The following EPB41L2 variants were observed in gnomAD, a reference collection of about 807,000 sequenced individuals.
EPB41L2 encodes the protein erythrocyte membrane protein band 4.1 like 2, also known as band 4.1-like protein 2.
Under a neutral mutation model 113.0 loss-of-function variants are expected in EPB41L2, and 43 were observed. The ratio of observed to expected loss-of-function variants is 0.38; its 90% CI spans 0.30 to 0.49. EPB41L2 has a LOEUF of 0.49. Ranked by LOEUF, EPB41L2 falls within the 20% of genes least tolerant of loss-of-function variation. The pLI is 0.95. For synonymous variants in EPB41L2, 442 were observed against 436.7 expected (o/e 1.01, Z -0.15); for missense variants, 1,147 against 1,223.4 (o/e 0.94, Z 0.93).
chr6:130,974,816 C>T (rs982757753), intron 1 of EPB41L2, among the ~76,000 whole-genome samples: 2 of 144,730 alleles, frequency 1.4e-5, no homozygotes, highest in Admixed American at 1.5e-4. Flanking sequence ...ACCTCTGCCT[C>T]CCAGGTTCAA....
rs1047691737 is a variant in EPB41L2 at position 130,904,491 on chromosome 6, A to C, written c.903T>G (p.Pro301=). The C allele has an allele frequency of 1.9e-6, 3 of 1,606,004 alleles. No homozygotes were observed. The African/African-American group carries it at 4.0e-5, about 21-fold the overall frequency. The change falls in exon 6 of 20, where the codon CCT becomes CCG. Residue 301 remains proline (P), a synonymous_variant. Transcript: ENST00000337057. ...TGGTGATATCTTCAGTCAATTGAGA[A>C]GGATCAGGAGGATAAAACTTCACAT... The part of the protein sequence containing the change: ...TFNVKFYPPD[P]SQLTEDITRY...
intron 1 of EPB41L2, among the ~76,000 whole-genome samples, chr6:130,958,401 G>A (rs769783082): frequency 8.8e-5 from 13 of 147,780 alleles, no homozygotes; most frequent in Admixed American, 2.1e-4. Flanking sequence ...GCAGTGAGCC[G>A]AGATTGTGTC....
intron 1 of EPB41L2, among the ~76,000 whole-genome samples, chr6:130,994,522 C>T (rs1303264000): frequency 1.3e-5 from 2 of 152,154 alleles, no homozygotes; most frequent in Admixed American, 1.3e-4. Flanking sequence ...TGAGAAAAGA[C>T]AGGGCCTCCA....
rs1217104338 is a variant in EPB41L2 at position 130,985,493 on chromosome 6, G to C, written c.-14-28994C>G. Among the ~76,000 whole-genome samples, 3 of 152,332 alleles carry C rather than the reference G, an allele frequency of 2.0e-5. No individual in the cohort carries two copies. The East Asian group carries it at 5.8e-4, about 29-fold the overall frequency. Reference sequence around the variant, plus strand: ...AACTCGGGAACCAGTGCATAAGCTAGATTCGACCTGGAAGGGCCAAGTGAA... The same window carrying C: ...AACTCGGGAACCAGTGCATAAGCTACATTCGACCTGGAAGGGCCAAGTGAA... On this transcript the variant is annotated intron_variant, in intron 1 of 19. Coordinates refer to ENST00000337057, the MANE Select transcript of EPB41L2 (RefSeq NM_001431.4).
intron 1 of EPB41L2, among the ~76,000 whole-genome samples, chr6:131,024,328 T>C (rs1333949672): frequency 4.6e-5 from 7 of 152,142 alleles, no homozygotes; most frequent in African/African-American, 1.4e-4. Flanking sequence ...GTTGGGTTTA[T>C]GGTTAAGAGT....
chr6:130,954,060 T>C (rs930863724), intron 3 of EPB41L2, among the ~76,000 whole-genome samples: 49 of 114,800 alleles, frequency 4.3e-4, no homozygotes, highest in Admixed American at 7.2e-4. Context: ...TTTTTTTTTT[T>C]TTTTTTTTTT....
intron 3 of EPB41L2, among the ~76,000 whole-genome samples, chr6:130,938,144 G>A (rs756478615): frequency 7.2e-5 from 11 of 152,180 alleles, no homozygotes; most frequent in Admixed American, 5.2e-4. Context: ...GAGAGGTCTC[G>A]ATGAGTTTCC....
chr6:130,957,521 G>C (rs79151709), intron 1 of EPB41L2, among the ~76,000 whole-genome samples: 1 of 151,898 alleles, frequency 6.6e-6, no homozygotes, highest in Non-Finnish European at 1.5e-5. Context: ...CTTAAGAGAC[G>C]GACATGGTTA....
intron 1 of EPB41L2, among the ~76,000 whole-genome samples, chr6:130,980,585 A>T (rs77018018): frequency 6.6e-6 from 1 of 152,064 alleles, no homozygotes; most frequent in African/African-American, 2.4e-5. Flanking sequence ...GGTGGGGTGG[A>T]TCTAACAACT....
At chr6:130,899,775 C>T (rs955613636) in intron 7 of EPB41L2, among the ~76,000 whole-genome samples, 197 bp from the exon 8 acceptor site, 2 of 133,602 alleles carry the variant, frequency 1.5e-5, no homozygotes, top group African/African-American at 4.9e-5. Context: ...TGTAAACCTG[C>T]TAAACTGCAT....
intron 1 of EPB41L2, among the ~76,000 whole-genome samples, chr6:131,009,253 G>A (rs868757409): frequency 1.3e-5 from 2 of 152,048 alleles, no homozygotes; most frequent in Non-Finnish European, 2.9e-5. Flanking sequence ...CCCTTCAGTC[G>A]GCACTCATTC....
At chr6:130,933,806 T>C (rs1436961842) in intron 3 of EPB41L2, among the ~76,000 whole-genome samples, 1 of 152,182 alleles carries the variant, frequency 6.6e-6, no homozygotes, top group Non-Finnish European at 1.5e-5. Context: ...ACATGACATT[T>C]CTGGAGGCCT....
In EPB41L2 at chr6:130,956,270, C is replaced by T. The variant is rs1817396928; in HGVS notation, c.216G>A (p.Arg72=). 1 of 1,614,022 alleles carries T rather than the reference C, an allele frequency of 6.2e-7. No homozygotes were observed. The highest frequency in any genetic ancestry group is 1.3e-5 in the African/African-American group (1 of 74,908). ...ATGGCGGTATGAACCGAGAAATACC[C>T]CTGCTCTCCGATGTTTCCTTCTCTC... is the stretch of plus-strand genomic sequence containing the variant. ...QKREKETSES[R]GISRFIPPWL... is the part of the protein sequence containing the mutation. The change falls in exon 2 of 20, where the codon AGG becomes AGA. Residue 72 remains arginine (R), a synonymous_variant. Coordinates refer to ENST00000337057, the MANE Select transcript of EPB41L2 (RefSeq NM_001431.4).
At chr6:130,935,072 G>A (rs1320396024) in intron 3 of EPB41L2, among the ~76,000 whole-genome samples, 1 of 152,162 alleles carries the variant, frequency 6.6e-6, no homozygotes, top group African/African-American at 2.4e-5. Context: ...ACAGAATATT[G>A]GGGGAATTTT....
intron 8 of EPB41L2, among the ~76,000 whole-genome samples, chr6:130,899,179 C>G (rs931797129): frequency 1.3e-5 from 2 of 150,772 alleles, no homozygotes; most frequent in African/African-American, 4.9e-5. Flanking sequence ...CTTGGCCTAG[C>G]AGAAGCTGCA....
At chr6:130,998,477 A>G (rs1783647056) in intron 1 of EPB41L2, among the ~76,000 whole-genome samples, 1 of 152,218 alleles carries the variant, frequency 6.6e-6, no homozygotes, top group Non-Finnish European at 1.5e-5. Flanking sequence ...AAAAACGAAG[A>G]GAAGGAATGA....
chr6:130,855,998 A>G (rs973600988), intron 19 of EPB41L2, among the ~76,000 whole-genome samples: 4 of 152,178 alleles, frequency 2.6e-5, no homozygotes, highest in Non-Finnish European at 5.9e-5. Context: ...AGTGTCAGAA[A>G]CACCCCCACA....
intron 4 of EPB41L2, 26 bp downstream of exon 4, chr6:130,926,579 A>G (rs1804815390): frequency 1.4e-6 from 2 of 1,475,352 alleles, no homozygotes; most frequent in East Asian, 4.6e-5. Context: ...TTCTAAAAAG[A>G]TAAAAATAAA....
At chr6:130,857,421 C>T (rs1420022214) in intron 19 of EPB41L2, among the ~76,000 whole-genome samples, 3 of 152,104 alleles carry the variant, frequency 2.0e-5, no homozygotes, top group Non-Finnish European at 4.4e-5. Context: ...CCTTTCTCTG[C>T]CAAGCACATT....
Sources: gnomAD v4.1 joint callset for allele counts (sites outside exome capture counted in the v4.1 genomes callset) on GRCh38, gnomAD v4.1.1 for gene constraint, MANE v1.5 for transcripts, NCBI Gene and HGNC (gene_info 2026-07-23, HGNC 2026-07-21) for gene names.